The following AKAP11 variants were observed in gnomAD, a reference collection of about 807,000 sequenced individuals.
AKAP11 encodes A-kinase anchor protein 11.
AKAP11 carries 36 observed loss-of-function variants against 146.1 expected under a neutral mutation model. That is an observed-to-expected ratio of 0.25 (90% CI 0.19 to 0.33). AKAP11 has a LOEUF of 0.33. Ranked by LOEUF, AKAP11 falls within the 10% of genes least tolerant of loss-of-function variation. The pLI is 1.00. For missense variants in AKAP11, 2,201 were observed against 2,197.0 expected (o/e 1.00, Z -0.04); for synonymous variants, 780 against 786.5 (o/e 0.99, Z 0.14).
intron 1 of AKAP11, among the ~76,000 whole-genome samples, chr13:42,279,370 A>G (rs1207763198): frequency 6.6e-6 from 1 of 152,068 alleles, no homozygotes; most frequent in African/African-American, 2.4e-5. Context: ...TTAAAAAGTC[A>G]CTTACACTCT....
intron 1 of AKAP11, among the ~76,000 whole-genome samples, chr13:42,282,132 C>T (rs1594302095): frequency 6.6e-6 from 1 of 152,042 alleles, no homozygotes; most frequent in Admixed American, 6.5e-5. Context: ...CCACACCCAG[C>T]TAATTTTTGT....
intron 1 of AKAP11, among the ~76,000 whole-genome samples, chr13:42,272,968 G>A (rs1958816522): frequency 6.6e-6 from 1 of 152,150 alleles, no homozygotes; most frequent in Non-Finnish European, 1.5e-5. Flanking sequence ...CATATTACCA[G>A]CTTTCATTTT....
chr13:42,275,515 CAT>C (rs1199343447), intron 1 of AKAP11, among the ~76,000 whole-genome samples: 1 of 152,208 alleles, frequency 6.6e-6, no homozygotes, highest in Non-Finnish European at 1.5e-5. Context: ...GCCATGCCAA[CAT>C]ATTTAACAAA....
chr13:42,296,620 T>C (rs1169059121), intron 5 of AKAP11, among the ~76,000 whole-genome samples: 6 of 152,054 alleles, frequency 3.9e-5, no homozygotes, highest in African/African-American at 1.2e-4. Context: ...AGAGGAAAGA[T>C]AGAAAAACGG....
chr13:42,297,230 C>T (rs969464179), intron 6 of AKAP11, 48 bp downstream of exon 6: 2 of 1,321,086 alleles, frequency 1.5e-6, no homozygotes, highest in South Asian at 1.7e-5. Flanking sequence ...GCAAATTTTA[C>T]TATATTTGAT....
intron 9 of AKAP11, among the ~76,000 whole-genome samples, chr13:42,311,720 GTGTT>G (rs1423291455): frequency 2.8e-4 from 43 of 152,202 alleles, no homozygotes; most frequent in African/African-American, 7.7e-4. Context: ...AGTAAATAGA[GTGTT>G]TGAGATGATT....
intron 1 of AKAP11, among the ~76,000 whole-genome samples, chr13:42,275,366 T>C (rs1958892905): frequency 6.6e-6 from 1 of 152,246 alleles, no homozygotes; most frequent in Non-Finnish European, 1.5e-5. Context: ...GTTATGTTTC[T>C]AGAGAGAGAA....
At chr13:42,292,995 C>A (rs1451040080) in intron 4 of AKAP11, among the ~76,000 whole-genome samples, 1 of 152,082 alleles carries the variant, frequency 6.6e-6, no homozygotes, top group African/African-American at 2.4e-5. Context: ...ACCTTGCTCA[C>A]CTATTTCTCT....
chr13:42,286,969 CTTTG>C (rs1299530908), intron 3 of AKAP11, among the ~76,000 whole-genome samples: 2 of 152,182 alleles, frequency 1.3e-5, no homozygotes, highest in African/African-American at 4.8e-5. Context: ...AATTAACAGT[CTTTG>C]TTATTTCTTT....
intron 1 of AKAP11, among the ~76,000 whole-genome samples, chr13:42,273,954 T>A (rs764228883): frequency 1.3e-5 from 2 of 152,200 alleles, no homozygotes; most frequent in Non-Finnish European, 2.9e-5. Flanking sequence ...AGAAAATATC[T>A]CTTTGTGAAT....
intron 5 of AKAP11, among the ~76,000 whole-genome samples, chr13:42,296,651 T>A (rs1959532257): frequency 6.6e-6 from 1 of 151,788 alleles, no homozygotes; most frequent in Admixed American, 6.6e-5. Context: ...ACAGAGTTTT[T>A]AAAAAAAAGT....
intron 8 of AKAP11, among the ~76,000 whole-genome samples, chr13:42,305,617 G>T (rs1960214872): frequency 1.3e-5 from 2 of 152,220 alleles, no homozygotes; most frequent in South Asian, 4.1e-4. Context: ...GTTTTATTGG[G>T]ACACCACCAT....
chr13:42,273,912 C>T (rs1050694654), intron 1 of AKAP11, among the ~76,000 whole-genome samples: 2 of 152,182 alleles, frequency 1.3e-5, no homozygotes, highest in Non-Finnish European at 2.9e-5. Flanking sequence ...TAGAGGAATT[C>T]TGTCTATACG....
chr13:42,287,590 A>G (rs1433478625), intron 3 of AKAP11, among the ~76,000 whole-genome samples: 5 of 152,186 alleles, frequency 3.3e-5, no homozygotes, highest in East Asian at 3.9e-4. Context: ...GGCCAATTAC[A>G]TTTTAAAGTA....
intron 9 of AKAP11, 118 bp from the exon 10 acceptor site, chr13:42,312,929 C>A: frequency 1.3e-6 from 1 of 775,606 alleles, no homozygotes; most frequent in African/African-American, 1.8e-5. Flanking sequence ...TGTTCCCCTT[C>A]ACTGTGGCAG....
In AKAP11 at chr13:42,319,130, C is replaced by G; in HGVS notation, c.5608C>G (p.Leu1870Val). ...LQEKGWKVGD[L>V]LQAVLQYYEV... ...AGAGAAAGGATGGAAAGTGGGAGAC[C>G]TCCTGCAGGCTGTGCTTCAATACTA... The change falls in exon 13 of 13, where the codon CTC becomes GTC. Residue 1870 changes from leucine (L) to valine (V), a missense_variant. By Grantham distance (32) the Leu-to-Val change is conservative. This residue lies in a region of AKAP11 where 1,867 missense variants were observed against 1,833.5 expected (regional missense o/e 1.02). Transcript: ENST00000025301. 1 of 1,613,974 alleles carries G rather than the reference C, an allele frequency of 6.2e-7. No homozygotes were observed. Among genetic ancestry groups the G allele is most frequent in the Non-Finnish European group, 8.5e-7 (1 of 1,179,950 alleles).
At chr13:42,317,913 A>C (rs556826589) in intron 12 of AKAP11, among the ~76,000 whole-genome samples, 1 of 152,214 alleles carries the variant, frequency 6.6e-6, no homozygotes, top group Admixed American at 6.5e-5. Flanking sequence ...TGAATATAGA[A>C]TCTACCTTAC....
intron 1 of AKAP11, among the ~76,000 whole-genome samples, chr13:42,273,845 C>A (rs1032487416): frequency 6.6e-5 from 10 of 152,034 alleles, no homozygotes; most frequent in Non-Finnish European, 1.3e-4. Flanking sequence ...GGAACTCAAA[C>A]CAATTTGGAC....
Position 42,299,351 on chromosome 13 carries a change from C to A in AKAP11, c.617-12C>A, listed in dbSNP as rs774259869. 2 of 1,566,952 alleles carry A rather than the reference C, an allele frequency of 1.3e-6. No individual in the cohort carries two copies. Among genetic ancestry groups the A allele is most frequent in the Non-Finnish European group, 8.6e-7 (1 of 1,160,934 alleles). ...TCAAAAATAATTTCACCATTTCATTCTTTTCCTATAGGAATGAACATTACT... is the reference window on the plus strand; with the variant it reads ...TCAAAAATAATTTCACCATTTCATTATTTTCCTATAGGAATGAACATTACT... On this transcript the variant is annotated splice_polypyrimidine_tract_variant and intron_variant, in intron 7 of 12. Transcript: ENST00000025301.
Sources: allele counts gnomAD v4.1 joint callset (sites outside exome capture counted in the v4.1 genomes callset), GRCh38; gene constraint gnomAD v4.1.1; regional missense constraint gnomAD v4.1.1; transcripts MANE v1.5; gene names NCBI Gene and HGNC (gene_info 2026-07-23, HGNC 2026-07-21).